The following SLC9A4 variants were observed in gnomAD, a reference collection of about 807,000 sequenced individuals.
The protein encoded by SLC9A4 is sodium/hydrogen exchanger 4.
A neutral mutation model predicts 67.4 loss-of-function variants in SLC9A4; 63 were observed. The ratio of observed to expected loss-of-function variants is 0.93; its 90% confidence interval spans 0.76 to 1.15. The LOEUF is 1.15. SLC9A4 is among the 50% of genes most tolerant of loss of function. The probability of loss-of-function intolerance (pLI) is 0.00; values close to 1 mark genes in which losing one functional copy is unlikely to be tolerated. For synonymous variants in SLC9A4, 393 were observed against 367.2 expected (o/e 1.07, Z -0.80); for missense variants, 1,089 against 987.7 (o/e 1.10, Z -1.38).
chr2:102,502,754 C>G (rs965100509), intron 2 of SLC9A4, among the ~76,000 whole-genome samples: 4 of 152,364 alleles, frequency 2.6e-5, no homozygotes, highest in South Asian at 4.1e-4. Context: ...GGAGCCTGCA[C>G]TTGGGAGATG....
intron 2 of SLC9A4, among the ~76,000 whole-genome samples, chr2:102,484,335 G>C (rs1341956347): frequency 1.3e-5 from 2 of 152,122 alleles, no homozygotes; most frequent in Non-Finnish European, 2.9e-5. Flanking sequence ...ACATGCTACC[G>C]ATGAGGAGAC....
chr2:102,495,624 T>G (rs1428927534), intron 2 of SLC9A4, among the ~76,000 whole-genome samples: 1 of 152,134 alleles, frequency 6.6e-6, no homozygotes, highest in Non-Finnish European at 1.5e-5. Flanking sequence ...CCACGATAAT[T>G]ATAATAATTC....
chr2:102,482,978 A>G (rs1684498296), intron 2 of SLC9A4, among the ~76,000 whole-genome samples: 1 of 152,198 alleles, frequency 6.6e-6, no homozygotes, highest in Non-Finnish European at 1.5e-5. Context: ...TAGATTTCAC[A>G]TGGAGAGCCA....
At chr2:102,522,355 G>T (rs1432761933) in intron 9 of SLC9A4, among the ~76,000 whole-genome samples, 1 of 152,096 alleles carries the variant, frequency 6.6e-6, no homozygotes, top group African/African-American at 2.4e-5. Flanking sequence ...CTCCTTTAAG[G>T]CTCAAGGTCC....
At chr2:102,512,952 C>T (rs1685195294) in intron 7 of SLC9A4, among the ~76,000 whole-genome samples, 1 of 138,582 alleles carries the variant, frequency 7.2e-6, no homozygotes, top group Non-Finnish European at 1.5e-5. Flanking sequence ...GGCAGCGAAG[C>T]ACGAGCGAGT....
rs756598449 is a variant in SLC9A4 at position 102,512,192 on chromosome 2, T to G, written c.1489-11T>G. On this transcript the variant is annotated splice_polypyrimidine_tract_variant and intron_variant, in intron 6 of 11. Transcript: ENST00000295269. Reference sequence around the variant, plus strand: ...TTCTCCAGCAATCATTTTCTTGTGTTTGTTTGGCAGCTGATGGATCACTTA... The same window carrying G: ...TTCTCCAGCAATCATTTTCTTGTGTGTGTTTGGCAGCTGATGGATCACTTA... 9 of 1,613,746 alleles carry G rather than the reference T, an allele frequency of 5.6e-6. No individual in the cohort carries two copies. The highest frequency in any genetic ancestry group is 6.8e-6 in the Non-Finnish European group (8 of 1,179,786).
At chr2:102,529,298 A>T (rs1365525951) in intron 11 of SLC9A4, among the ~76,000 whole-genome samples, 2 of 152,248 alleles carry the variant, frequency 1.3e-5, no homozygotes, top group Admixed American at 6.5e-5. Context: ...CAGTGGTTAA[A>T]CTAGAAATCT....
chr2:102,492,849 T>C (rs1230049702), intron 2 of SLC9A4, among the ~76,000 whole-genome samples: 1 of 152,254 alleles, frequency 6.6e-6, no homozygotes, highest in Non-Finnish European at 1.5e-5. Context: ...TCCAAACTTG[T>C]ATGCTCTGCT....
chr2:102,488,403 G>A (rs936777429), intron 2 of SLC9A4, among the ~76,000 whole-genome samples: 6 of 152,110 alleles, frequency 3.9e-5, no homozygotes, highest in Admixed American at 6.5e-5. Flanking sequence ...AGATCCAGGC[G>A]ATGGGTGAGG....
chr2:102,508,702 A>T, intron 5 of SLC9A4, 145 bp from the exon 6 acceptor site: 1 of 609,256 alleles, frequency 1.6e-6, no homozygotes, highest in Non-Finnish European at 2.8e-6. Context: ...TGGAAAACTG[A>T]AATGAACATT....
At chr2:102,522,635 T>A (rs547999471) in intron 9 of SLC9A4, among the ~76,000 whole-genome samples, 1 of 152,112 alleles carries the variant, frequency 6.6e-6, no homozygotes, top group South Asian at 2.1e-4. Flanking sequence ...ACACACACAC[T>A]GAATTCAGTT....
intron 2 of SLC9A4, among the ~76,000 whole-genome samples, chr2:102,480,339 T>C (rs904636653): frequency 6.6e-6 from 1 of 151,950 alleles, no homozygotes; most frequent in Non-Finnish European, 1.5e-5. Flanking sequence ...TGCTTAGATA[T>C]AACAAGTCTT....
intron 3 of SLC9A4, 44 bp downstream of exon 3, chr2:102,503,751 A>T: frequency 1.3e-6 from 2 of 1,598,190 alleles, no homozygotes; most frequent in Non-Finnish European, 1.7e-6. Flanking sequence ...ATAGAAAGAA[A>T]GTTTAGAACC....
Position 102,532,610 on chromosome 2 carries a change from T to G in SLC9A4, c.2319T>G (p.Val773=), listed in dbSNP as rs1674801737. 9 of 1,613,924 alleles carry G rather than the reference T, an allele frequency of 5.6e-6. No individual in the cohort carries two copies. The highest frequency in any genetic ancestry group is 7.6e-6 in the Non-Finnish European group (9 of 1,179,978). The change falls in exon 12 of 12, where the codon GTT becomes GTG. Residue 773 remains valine, a synonymous_variant. Coordinates refer to ENST00000295269, the MANE Select transcript of SLC9A4 (RefSeq NM_001011552.4). The part of the protein sequence containing the change: ...ESEGKASLVE[V]RSRWTADHGH... ...AGGGCAAGGCCTCTTTGGTTGAGGT[T>G]CGGTCGAGGTGGACAGCTGACCATG...
chr2:102,500,940 CTG>C (rs1215482464), intron 2 of SLC9A4, among the ~76,000 whole-genome samples: 1 of 146,542 alleles, frequency 6.8e-6, no homozygotes, highest in Non-Finnish European at 1.5e-5. Context: ...GCCAACCTCT[CTG>C]TGGAAAAGCA....
intron 9 of SLC9A4, among the ~76,000 whole-genome samples, chr2:102,522,768 A>C (rs1250435075): frequency 6.6e-6 from 1 of 152,198 alleles, no homozygotes; most frequent in Non-Finnish European, 1.5e-5. Flanking sequence ...TAAAATGCAC[A>C]TAGGTTGAGG....
At position 102,525,198 on chromosome 2, in the gene SLC9A4, G is replaced by A. The variant is rs769988626; in HGVS notation, c.1950+43G>A. ...ACTGGGACATTCCTTCAGTGTGCAA[G>A]TGTTTGTCATCTGCTGAGCCTGTTC... On this transcript the variant is annotated intron_variant, in intron 10 of 11. Coordinates refer to ENST00000295269, the MANE Select transcript of SLC9A4 (RefSeq NM_001011552.4). 4 of 1,611,514 alleles carry A rather than the reference G, an allele frequency of 2.5e-6. No individual in the cohort carries two copies. The African/African-American group carries it at 5.3e-5, about 22-fold the overall frequency.
chr2:102,489,754 A>G (rs1218632669), intron 2 of SLC9A4, among the ~76,000 whole-genome samples: 2 of 152,160 alleles, frequency 1.3e-5, no homozygotes, highest in Non-Finnish European at 2.9e-5. Flanking sequence ...CCTGGGCTTC[A>G]GGTCTTTTTT....
At chr2:102,526,183 T>C in intron 10 of SLC9A4, 76 bp from the exon 11 acceptor site, 7 of 1,469,682 alleles carry the variant, frequency 4.8e-6, no homozygotes, top group Non-Finnish European at 6.6e-6. Flanking sequence ...CCACAGTGTC[T>C]GGCCCTTTAT....
Sources: allele counts gnomAD v4.1 joint callset (sites outside exome capture counted in the v4.1 genomes callset), GRCh38; gene constraint gnomAD v4.1.1; transcripts MANE v1.5; gene names NCBI Gene and HGNC (gene_info 2026-07-23, HGNC 2026-07-21).